MAGI2: variants seen among roughly 807,000 people sequenced by gnomAD.
The protein encoded by MAGI2 is membrane-associated guanylate kinase, WW and PDZ domain-containing protein 2.
Under a neutral mutation model 133.3 loss-of-function variants are expected in MAGI2, and 35 were observed. The observed-to-expected ratio is 0.26, with a 90% confidence interval of 0.20 to 0.35. MAGI2 has a LOEUF of 0.35. Ranked by LOEUF, MAGI2 falls within the 10% of genes least tolerant of loss-of-function variation. The pLI, the probability that MAGI2 is intolerant of heterozygous loss-of-function variation, is 1.00. For missense variants in MAGI2, 1,636 were observed against 1,863.4 expected (o/e 0.88, Z 2.25); for synonymous variants, 729 against 710.6 (o/e 1.03, Z -0.41).
chr7:79,160,522 T>C (rs1363655504), intron 1 of MAGI2, among the ~76,000 whole-genome samples: 1 of 152,052 alleles, frequency 6.6e-6, no homozygotes, highest in Non-Finnish European at 1.5e-5. Flanking sequence ...GTTGTAAAAA[T>C]AACCCCTTTA....
At chr7:78,368,985 C>T (rs1793659135) in intron 7 of MAGI2, among the ~76,000 whole-genome samples, 171 bp downstream of exon 7, 1 of 151,810 alleles carries the variant, frequency 6.6e-6, no homozygotes, top group African/African-American at 2.4e-5. Flanking sequence ...ACAAATTAGC[C>T]AGCTGGAGAG....
At chr7:78,291,820 A>G (rs921276592) in intron 9 of MAGI2, among the ~76,000 whole-genome samples, 1 of 152,340 alleles carries the variant, frequency 6.6e-6, no homozygotes, top group Non-Finnish European at 1.5e-5. Flanking sequence ...AAACAGAACC[A>G]GTGACAAAAA....
intron 1 of MAGI2, among the ~76,000 whole-genome samples, chr7:79,226,755 A>G (rs6977148): frequency 0.026 from 3,924 of 152,240 alleles, 188 homozygotes; most frequent in African/African-American, 0.089. Context: ...ATAGTATTAT[A>G]GTGAAATTCC....
intron 4 of MAGI2, among the ~76,000 whole-genome samples, chr7:78,508,686 A>G (rs376045515): frequency 2.0e-5 from 3 of 152,110 alleles, no homozygotes; most frequent in East Asian, 1.9e-4. Flanking sequence ...CACATCATAT[A>G]TATATCAGAT....
chr7:78,326,087 C>A (rs986428433), intron 9 of MAGI2, among the ~76,000 whole-genome samples: 2 of 152,178 alleles, frequency 1.3e-5, no homozygotes, highest in African/African-American at 4.8e-5. Context: ...GCATAACAGA[C>A]AAGCTGATGG....
intron 1 of MAGI2, among the ~76,000 whole-genome samples, chr7:79,387,717 A>G (rs780823416): frequency 6.6e-6 from 1 of 152,068 alleles, no homozygotes; most frequent in Non-Finnish European, 1.5e-5. Context: ...TAAGCATTTA[A>G]AACAATGGTG....
intron 1 of MAGI2, among the ~76,000 whole-genome samples, chr7:79,180,777 T>C (rs1159130479): frequency 1.3e-5 from 2 of 152,010 alleles, no homozygotes; most frequent in African/African-American, 2.4e-5. Context: ...TGTTCACCTA[T>C]AAGCCTGTAA....
chr7:79,413,125 C>T (rs750444638), intron 1 of MAGI2: 5 of 152,046 alleles, frequency 3.3e-5, no homozygotes, highest in South Asian at 2.1e-4. Context: ...TTGAACAATC[C>T]GATCTTTCAT....
rs1304727520 is a variant in MAGI2 at position 78,068,027 on chromosome 7, C to A, written c.3706+10920G>T. ...CACGTCATTAGACATTTGTCTACAC[C>A]CATAGAATGTGCAACAGTGGTCTCC... On this transcript the variant is annotated intron_variant, in intron 21 of 21. Transcript: ENST00000354212. Among the ~76,000 whole-genome samples, 7 of 152,122 alleles carry A rather than the reference C, an allele frequency of 4.6e-5. No homozygotes were observed. In the East Asian group the frequency reaches 1.4e-3, roughly 29 times the overall value.
At chr7:78,568,991 T>A (rs1393430648) in intron 3 of MAGI2, among the ~76,000 whole-genome samples, 1 of 151,976 alleles carries the variant, frequency 6.6e-6, no homozygotes, top group African/African-American at 2.4e-5. Flanking sequence ...CTAAATTCAT[T>A]TTGCCCCCGA....
intron 2 of MAGI2, among the ~76,000 whole-genome samples, chr7:78,756,878 GCT>G (rs1473712831): frequency 1.3e-5 from 2 of 152,056 alleles, no homozygotes; most frequent in African/African-American, 2.4e-5. Context: ...ATTAAATCCA[GCT>G]CTGTCGTCTT....
chr7:79,210,043 A>G (rs903133943), intron 1 of MAGI2, among the ~76,000 whole-genome samples: 1 of 152,112 alleles, frequency 6.6e-6, no homozygotes, highest in South Asian at 2.1e-4. Context: ...AACTATATAA[A>G]TATCAGCTAG....
chr7:78,058,394 C>T (rs1055069847), intron 21 of MAGI2, among the ~76,000 whole-genome samples: 7 of 151,976 alleles, frequency 4.6e-5, no homozygotes, highest in Admixed American at 2.0e-4. Flanking sequence ...TCTGCTCTTT[C>T]GGTTTTAACT....
At chr7:79,262,181 T>G (rs1009568522) in intron 1 of MAGI2, among the ~76,000 whole-genome samples, 2 of 152,198 alleles carry the variant, frequency 1.3e-5, no homozygotes, top group African/African-American at 4.8e-5. Flanking sequence ...ACTTTGCCCT[T>G]CCTTCTCTTA....
chr7:79,247,239 C>T (rs983165514), intron 1 of MAGI2, among the ~76,000 whole-genome samples: 6 of 151,982 alleles, frequency 3.9e-5, no homozygotes, highest in South Asian at 2.1e-4. Flanking sequence ...AAATACACAC[C>T]AAAAAACAAT....
intron 1 of MAGI2, among the ~76,000 whole-genome samples, chr7:79,254,665 T>C (rs1356559007): frequency 6.6e-6 from 1 of 152,212 alleles, no homozygotes; most frequent in Non-Finnish European, 1.5e-5. Context: ...TCCTAAAATA[T>C]ATTTCTGGGC....
At chr7:78,725,918 T>A (rs1193913923) in intron 2 of MAGI2, among the ~76,000 whole-genome samples, 1 of 152,230 alleles carries the variant, frequency 6.6e-6, no homozygotes, top group African/African-American at 2.4e-5. Flanking sequence ...ATAGTCGTTA[T>A]ACTCCAAACC....
At chr7:79,143,833 T>C (rs1822363629) in intron 1 of MAGI2, among the ~76,000 whole-genome samples, 1 of 152,172 alleles carries the variant, frequency 6.6e-6, no homozygotes, top group Non-Finnish European at 1.5e-5. Flanking sequence ...ATGCAAAGCA[T>C]ATAACATTAA....
At chr7:78,290,615 T>C (rs904285911) in intron 9 of MAGI2, among the ~76,000 whole-genome samples, 3 of 152,162 alleles carry the variant, frequency 2.0e-5, no homozygotes, top group African/African-American at 7.2e-5. Context: ...TACAGAACTC[T>C]CCACCCCAAA....
Sources: allele counts gnomAD v4.1 joint callset (sites outside exome capture counted in the v4.1 genomes callset), GRCh38; gene constraint gnomAD v4.1.1; transcripts MANE v1.5; gene names NCBI Gene and HGNC (gene_info 2026-07-23, HGNC 2026-07-21).